The following EYS variants were observed in gnomAD, a reference collection of about 807,000 sequenced individuals.
EYS encodes the protein protein eyes shut homolog.
EYS carries 250 observed loss-of-function variants against 282.1 expected under a neutral mutation model. The observed-to-expected ratio is 0.89, with a 90% confidence interval of 0.80 to 0.98. EYS has a LOEUF of 0.98. Ranked by LOEUF, EYS falls within the 50% of genes least tolerant of loss-of-function variation. The pLI, the probability that EYS is intolerant of heterozygous loss-of-function variation, is 0.00. For synonymous variants in EYS, 1,355 were observed against 1,282.9 expected (o/e 1.06, Z -1.20); for missense variants, 4,016 against 3,709.0 (o/e 1.08, Z -2.15).
intron 14 of EYS, among the ~76,000 whole-genome samples, chr6:64,989,462 A>AAT (rs372288581): frequency 0.042 from 4,214 of 101,092 alleles, 230 homozygotes; most frequent in Admixed American, 0.14. Flanking sequence ...GGCTAGCTGT[A>AAT]ATATATATAT....
chr6:63,935,881 T>G (rs1041773681), intron 35 of EYS, among the ~76,000 whole-genome samples: 2 of 152,152 alleles, frequency 1.3e-5, no homozygotes, highest in Non-Finnish European at 2.9e-5. Flanking sequence ...ATGGAAGAAT[T>G]GAGATGTTAA....
At chr6:65,502,547 T>C (rs888827365) in intron 2 of EYS, among the ~76,000 whole-genome samples, 1 of 151,662 alleles carries the variant, frequency 6.6e-6, no homozygotes, top group Admixed American at 6.6e-5. Context: ...TATTAGTATA[T>C]TAACTAATGA....
chr6:63,721,508 A>G lies in EYS; in HGVS notation c.8523T>C (p.Pro2841=), dbSNP rs1364416339. The G allele has an allele frequency of 2.6e-6, 4 of 1,550,980 alleles. No individual in the cohort carries two copies. Among genetic ancestry groups the G allele is most frequent in the Non-Finnish European group, 2.6e-6 (3 of 1,146,398 alleles). ...LVNPMAIENE[P]VGFQGCIRQV... is the part of the protein sequence containing the mutation. The stretch of plus-strand genomic sequence containing the variant: ...GTCGGATACAGCCTTGAAAACCTAC[A>G]GGTTCATTTTCTATTGCCATGGGAT... Residue 2841 remains proline, a synonymous_variant, in exon 43 of 43, where the codon CCT becomes CCC. Transcript: ENST00000503581.
chr6:65,131,662 G>T (rs1775881976), intron 12 of EYS, among the ~76,000 whole-genome samples: 1 of 151,742 alleles, frequency 6.6e-6, no homozygotes, highest in South Asian at 2.1e-4. Context: ...ACAACTGAAA[G>T]AATTAGAGAA....
chr6:64,887,296 G>T (rs1262706901), intron 18 of EYS, among the ~76,000 whole-genome samples: 2 of 122,612 alleles, frequency 1.6e-5, no homozygotes, highest in Non-Finnish European at 1.7e-5. Flanking sequence ...GGGGGGAGGG[G>T]GGAGGGATAG....
At chr6:65,499,488 CTTCT>C (rs1766372897) in intron 2 of EYS, among the ~76,000 whole-genome samples, 1 of 151,930 alleles carries the variant, frequency 6.6e-6, no homozygotes, top group Non-Finnish European at 1.5e-5. Flanking sequence ...TCATGTTTCA[CTTCT>C]TTAAGAAGTA....
chr6:64,548,037 G>A (rs906579608), intron 26 of EYS, among the ~76,000 whole-genome samples: 5 of 152,250 alleles, frequency 3.3e-5, no homozygotes, highest in East Asian at 3.9e-4. Flanking sequence ...TCCCGCCTGC[G>A]CCTGTCCCTC....
intron 5 of EYS, among the ~76,000 whole-genome samples, chr6:65,465,827 T>G (rs1003001815): frequency 6.6e-6 from 1 of 151,890 alleles, no homozygotes; most frequent in Non-Finnish European, 1.5e-5. Context: ...ACAAAATTTT[T>G]TAAATCAGCT....
At chr6:64,940,397 T>C (rs1269939269) in intron 15 of EYS, among the ~76,000 whole-genome samples, 1 of 152,022 alleles carries the variant, frequency 6.6e-6, no homozygotes, top group Non-Finnish European at 1.5e-5. Flanking sequence ...AAAAAAAGGA[T>C]ATATCAGAGT....
intron 31 of EYS, among the ~76,000 whole-genome samples, chr6:64,146,035 T>C (rs115872018): frequency 0.011 from 1,745 of 152,236 alleles, 33 homozygotes; most frequent in African/African-American, 0.039. Flanking sequence ...TTTTTTTTCA[T>C]GACAAAGTCT....
intron 14 of EYS, among the ~76,000 whole-genome samples, chr6:64,963,753 T>C (rs1183945136): frequency 2.0e-5 from 3 of 152,226 alleles, no homozygotes; most frequent in African/African-American, 4.8e-5. Flanking sequence ...AATCCTTAAG[T>C]ACATTTCTAT....
chr6:64,817,857 A>G (rs1764784681), intron 21 of EYS, among the ~76,000 whole-genome samples: 1 of 152,126 alleles, frequency 6.6e-6, no homozygotes, highest in South Asian at 2.1e-4. Context: ...ACTGATGGTC[A>G]CCTGTGTTGA....
chr6:64,783,248 C>T (rs1424743063), intron 22 of EYS, among the ~76,000 whole-genome samples: 1 of 151,982 alleles, frequency 6.6e-6, no homozygotes, highest in Admixed American at 6.6e-5. Context: ...TATTGTTATT[C>T]TCTTACTGTG....
At chr6:65,046,436 G>T (rs1190562801) in intron 13 of EYS, among the ~76,000 whole-genome samples, 1 of 151,738 alleles carries the variant, frequency 6.6e-6, no homozygotes, top group Non-Finnish European at 1.5e-5. Context: ...TCTTTTTATA[G>T]CTTTCCTTAT....
intron 2 of EYS, among the ~76,000 whole-genome samples, chr6:65,625,762 TAC>T (rs1478155514): frequency 6.6e-6 from 1 of 152,214 alleles, no homozygotes; most frequent in Non-Finnish European, 1.5e-5. Flanking sequence ...TATTTGAAAT[TAC>T]AGTGACAATG....
chr6:64,266,039 A>C (rs1003235672), intron 30 of EYS, among the ~76,000 whole-genome samples: 3 of 152,122 alleles, frequency 2.0e-5, no homozygotes, highest in Non-Finnish European at 4.4e-5. Context: ...ATGAAAATTT[A>C]CATTTTCACA....
At chr6:64,045,966 G>A (rs1268418611) in intron 33 of EYS, among the ~76,000 whole-genome samples, 7 of 133,460 alleles carry the variant, frequency 5.2e-5, no homozygotes, top group African/African-American at 1.8e-4. Flanking sequence ...TTTTATATAT[G>A]TAATCTATAA....
intron 26 of EYS, among the ~76,000 whole-genome samples, chr6:64,510,333 AT>A (rs1777345132): frequency 6.6e-6 from 1 of 152,116 alleles, no homozygotes; most frequent in Non-Finnish European, 1.5e-5. Flanking sequence ...TGTTGAAAAT[AT>A]TTTTAATTCC....
chr6:64,758,685 A>C (rs561562081), intron 22 of EYS, among the ~76,000 whole-genome samples: 1 of 152,330 alleles, frequency 6.6e-6, no homozygotes, highest in Non-Finnish European at 1.5e-5. Context: ...CTCTTTTGAC[A>C]ACAGATTTCT....
Sources: gnomAD v4.1 joint callset for allele counts (sites outside exome capture counted in the v4.1 genomes callset) on GRCh38, gnomAD v4.1.1 for gene constraint, MANE v1.5 for transcripts, NCBI Gene and HGNC (gene_info 2026-07-23, HGNC 2026-07-21) for gene names.